Variants in TSHB observed in about 807,000 individuals in gnomAD.
TSHB encodes the protein thyrotropin subunit beta.
TSHB carries 9 observed loss-of-function variants against 9.3 expected under a neutral mutation model. The observed-to-expected ratio is 0.97, with a 90% CI of 0.58 to 1.69. The LOEUF is 1.69. TSHB is among the 40% of genes most tolerant of loss of function. TSHB has a pLI of 0.00. For synonymous variants in TSHB, 57 were observed against 57.2 expected (o/e 1.00, Z 0.01); for missense variants, 182 against 168.5 (o/e 1.08, Z -0.44).
At chr1:115,033,664 C>T in intron 2 of TSHB, 140 bp downstream of exon 2, 2 of 853,716 alleles carry the variant, frequency 2.3e-6, no homozygotes, top group Non-Finnish European at 3.9e-6. Context: ...AAGCAGAGTA[C>T]ACAGGTTACA....
intron 1 of TSHB, among the ~76,000 whole-genome samples, chr1:115,032,750 CATATTG>C (rs1674921416): frequency 6.6e-6 from 1 of 151,832 alleles, no homozygotes; most frequent in Non-Finnish European, 1.5e-5. Flanking sequence ...ATATCAATAT[CATATTG>C]ATATGATATA....
rs778437279 is a variant in TSHB, at chr1:115,033,407, T to C, written c.45T>C (p.Cys15=). 2 of 1,613,472 alleles carry C rather than the reference T, an allele frequency of 1.2e-6. No individual in the cohort carries two copies. The highest frequency in any genetic ancestry group is 1.7e-6 in the Non-Finnish European group (2 of 1,179,462). ...TGTCCATGCTTTTTGGCCTTACATG[T>C]GGGCAAGCGATGTCTTTTTGTATTC... ...FLMSMLFGLT[C]GQAMSFCIPT... Residue 15 remains cysteine, a synonymous_variant, in exon 2 of 3, where the codon TGT becomes TGC. Coordinates refer to ENST00000256592, the MANE Select transcript of TSHB (RefSeq NM_000549.5).
chr1:115,030,342 A>G, intron 1 of TSHB, among the ~76,000 whole-genome samples: 1 of 152,048 alleles, frequency 6.6e-6, no homozygotes, highest in Non-Finnish European at 1.5e-5. Context: ...CTCCTTTGAT[A>G]GTGTTCAACA....
chr1:115,031,266 T>C (rs186979248), intron 1 of TSHB, among the ~76,000 whole-genome samples: 41 of 152,140 alleles, frequency 2.7e-4, no homozygotes, highest in Middle Eastern at 3.4e-3. Context: ...CTACTTTTGT[T>C]AGTTTAGAGT....
intron 1 of TSHB, among the ~76,000 whole-genome samples, 159 bp downstream of exon 1, chr1:115,030,019 G>C (rs982957872): frequency 4.9e-4 from 74 of 152,120 alleles, no homozygotes; most frequent in African/African-American, 1.7e-3. Flanking sequence ...AAATTGTTTA[G>C]TAGTAGATGG....
Position 115,034,036 on chromosome 1 carries a change from G to T in TSHB, c.226G>T (p.Asp76Tyr). Residue 76 changes from aspartate to tyrosine, a missense_variant, in exon 3 of 3, where the codon GAC becomes TAC. Physicochemically the swap from Asp to Tyr is radical, Grantham distance 160. Transcript: ENST00000256592. The stretch of plus-strand genomic sequence containing the variant: ...GTCCCAGGATGTTTGCACATATAGA[G>T]ACTTCATCTACAGGACTGTAGAAAT... ...ALSQDVCTYR[D>Y]FIYRTVEIPG... is the part of the protein sequence containing the mutation. 1 of 1,613,798 alleles carries T rather than the reference G, an allele frequency of 6.2e-7. No individual in the cohort carries two copies. Among genetic ancestry groups the T allele is most frequent in the African/African-American group, 1.3e-5 (1 of 74,996 alleles).
intron 1 of TSHB, 175 bp from the exon 2 acceptor site, chr1:115,033,187 T>A (rs1674932674): frequency 5.4e-6 from 1 of 185,504 alleles, no homozygotes; most frequent in Admixed American, 6.5e-5. Flanking sequence ...CAGTTGTAAT[T>A]TCAGTTGACC....
intron 1 of TSHB, among the ~76,000 whole-genome samples, chr1:115,032,682 C>A (rs1321107): frequency 0.53 from 80,386 of 151,588 alleles, 21,493 homozygotes; most frequent in African/African-American, 0.56. Flanking sequence ...CAGTAGTAGA[C>A]CTAAAATAAT....
chr1:115,032,819 A>AATGATATCCAATTG (rs1674923144), intron 1 of TSHB, among the ~76,000 whole-genome samples: 1 of 152,056 alleles, frequency 6.6e-6, no homozygotes, highest in Non-Finnish European at 1.5e-5. Context: ...ACATATTGAT[A>AATGATATCCAATTG]ATGATATCCA....
At chr1:115,032,701 A>C (rs1347968146) in intron 1 of TSHB, among the ~76,000 whole-genome samples, 1 of 152,026 alleles carries the variant, frequency 6.6e-6, no homozygotes, top group East Asian at 1.9e-4. Context: ...ATTATGTCAT[A>C]ACATTATCCA....
chr1:115,031,843 G>A (rs574385067), intron 1 of TSHB, among the ~76,000 whole-genome samples: 87 of 152,124 alleles, frequency 5.7e-4, no homozygotes, highest in Non-Finnish European at 1.0e-3. Context: ...ACCTTCCGTG[G>A]AATGTTTGAA....
At chr1:115,031,256 C>T (rs1165640778) in intron 1 of TSHB, among the ~76,000 whole-genome samples, 3 of 151,936 alleles carry the variant, frequency 2.0e-5, no homozygotes, top group Admixed American at 6.6e-5. Flanking sequence ...CTTCCATTTT[C>T]TACTTTTGTT....
intron 1 of TSHB, among the ~76,000 whole-genome samples, chr1:115,032,829 A>G (rs773768121): frequency 6.6e-6 from 1 of 151,994 alleles, no homozygotes; most frequent in Non-Finnish European, 1.5e-5. Context: ...AATGATATCC[A>G]ATTGATATTG....
intron 2 of TSHB, 136 bp downstream of exon 2, chr1:115,033,660 A>T (rs996694145): frequency 3.4e-6 from 3 of 872,700 alleles, no homozygotes; most frequent in Non-Finnish European, 5.7e-6. Context: ...TTAGAAGCAG[A>T]GTACACAGGT....
chr1:115,030,937 A>T (rs3754368), intron 1 of TSHB, among the ~76,000 whole-genome samples: 66,412 of 151,816 alleles, frequency 0.44, 15,004 homozygotes, highest in Non-Finnish European at 0.5. Flanking sequence ...AGGCACAAAG[A>T]TATTAAATTG....
chr1:115,031,234 G>T (rs966017886), intron 1 of TSHB, among the ~76,000 whole-genome samples: 1 of 151,938 alleles, frequency 6.6e-6, no homozygotes, highest in African/African-American at 2.4e-5. Flanking sequence ...TACTGTGGCT[G>T]GTAATTCAGC....
intron 2 of TSHB, 113 bp from the exon 3 acceptor site, chr1:115,033,860 C>T (rs759148364): frequency 1.4e-4 from 202 of 1,456,522 alleles, no homozygotes; most frequent in Non-Finnish European, 1.8e-4. Flanking sequence ...GCAATTCTTT[C>T]CCAGTTGTAT....
rs1358732312 is a variant in TSHB at position 115,034,181 on chromosome 1, A to G, written c.371A>G (p.Tyr124Cys). ...DCIHEAIKTNYCTKPQKSYLV... is the reference protein window; with the variant it reads ...DCIHEAIKTNCCTKPQKSYLV... The stretch of plus-strand genomic sequence containing the variant: ...ATACATGAAGCCATCAAGACAAACT[A>G]CTGTACCAAACCTCAGAAGTCTTAT... Residue 124 changes from tyrosine (Y) to cysteine (C), a missense_variant, in exon 3 of 3, where the codon TAC (tyrosine) becomes TGC (cysteine). By Grantham distance (194) the Tyr-to-Cys change is radical. Transcript: ENST00000256592. The G allele has an allele frequency of 1.2e-5, 20 of 1,613,696 alleles. No homozygotes were observed. The highest frequency in any genetic ancestry group is 1.5e-5 in the Non-Finnish European group (18 of 1,179,766).
At chr1:115,032,905 A>T (rs1052775477) in intron 1 of TSHB, among the ~76,000 whole-genome samples, 21 of 151,530 alleles carry the variant, frequency 1.4e-4, no homozygotes, top group Non-Finnish European at 2.8e-4. Flanking sequence ...GGCACTGTGG[A>T]TCCTCTATTT....
Sources: gnomAD v4.1 joint callset for allele counts (sites outside exome capture counted in the v4.1 genomes callset) on GRCh38, gnomAD v4.1.1 for gene constraint, MANE v1.5 for transcripts, NCBI Gene and HGNC (gene_info 2026-07-23, HGNC 2026-07-21) for gene names.